The following RHOU variants were observed in gnomAD, a reference collection of about 807,000 sequenced individuals.
RHOU encodes ras homolog family member U.
In RHOU, 8 loss-of-function variants were observed where a neutral mutation model predicts 12.6. The observed-to-expected ratio is 0.64, with a 90% CI of 0.37 to 1.15. The LOEUF (loss-of-function observed/expected upper bound fraction) is 1.15, where lower values mean the gene tolerates loss of function less well. Among genes scored for constraint, RHOU ranks in the 50% most tolerant of loss-of-function variants. The pLI, the probability that RHOU is intolerant of heterozygous loss-of-function variation, is 0.01. For missense variants in RHOU, 258 were observed against 347.0 expected (o/e 0.74, Z 2.04); for synonymous variants, 161 against 147.4 (o/e 1.09, Z -0.67).
At chr1:228,675,166 CA>C in the RHOU span, among the ~76,000 whole-genome samples, 1 of 152,152 alleles carries the variant, frequency 6.6e-6, no homozygotes, top group African/African-American at 2.4e-5. Context: ...GAAATTGAAG[CA>C]GCACTGTTTC....
At chr1:228,739,036 G>A (rs183380818) in intron 2 of RHOU, among the ~76,000 whole-genome samples, 49 of 152,172 alleles carry the variant, frequency 3.2e-4, no homozygotes, top group African/African-American at 1.1e-3. Flanking sequence ...TGAGAGGATC[G>A]CTTGAACCCA....
the RHOU span, among the ~76,000 whole-genome samples, chr1:228,707,018 T>G: frequency 1.3e-5 from 2 of 149,208 alleles, no homozygotes; most frequent in East Asian, 3.9e-4. Flanking sequence ...GCCTCGTTTC[T>G]TATCCTATTA....
the RHOU span, among the ~76,000 whole-genome samples, chr1:228,680,095 AG>A: frequency 1.3e-5 from 2 of 152,194 alleles, no homozygotes; most frequent in Non-Finnish European, 2.9e-5. Context: ...ACCCTTGAAA[AG>A]AAGGTAATGT....
chr1:228,664,219 A>C, the RHOU span, among the ~76,000 whole-genome samples: 381 of 137,994 alleles, frequency 2.8e-3, 1 homozygote, highest in African/African-American at 0.011. Context: ...AGGTTTCTCC[A>C]TATTTCCCAG....
At chr1:228,716,747 C>CATATATATATGTATATAT in the RHOU span, among the ~76,000 whole-genome samples, 1 of 151,242 alleles carries the variant, frequency 6.6e-6, no homozygotes, top group Non-Finnish European at 1.5e-5. Context: ...TATACACACA[C>CATATATATATGTATATAT]ATGTGTGTGT....
the RHOU span, among the ~76,000 whole-genome samples, chr1:228,694,814 T>C: frequency 6.6e-6 from 1 of 152,196 alleles, no homozygotes; most frequent in Non-Finnish European, 1.5e-5. Flanking sequence ...TTTATATTCT[T>C]TTGGGTACAT....
the RHOU span, among the ~76,000 whole-genome samples, chr1:228,689,029 G>GA: frequency 6.6e-6 from 1 of 152,258 alleles, no homozygotes; most frequent in African/African-American, 2.4e-5. Flanking sequence ...GTGACTTTGG[G>GA]AAGAGGCACC....
chr1:228,667,024 C>A, the RHOU span, among the ~76,000 whole-genome samples: 1 of 152,138 alleles, frequency 6.6e-6, no homozygotes, highest in Non-Finnish European at 1.5e-5. Context: ...TTTTAACTAT[C>A]GAAAGCTCTC....
At chr1:228,731,275 G>A (rs1662490644), upstream of RHOU, among the ~76,000 whole-genome samples, 2 of 152,180 alleles carry the variant, frequency 1.3e-5, no homozygotes, top group Non-Finnish European at 2.9e-5. Context: ...AACATTTCTG[G>A]ACTTGGATGA....
At chr1:228,699,632 C>G in the RHOU span, among the ~76,000 whole-genome samples, 1 of 147,660 alleles carries the variant, frequency 6.8e-6, no homozygotes, top group Non-Finnish European at 1.5e-5. Flanking sequence ...AACCTTTGAT[C>G]AAGGCAATCC....
chr1:228,702,671 G>C, the RHOU span, among the ~76,000 whole-genome samples: 1 of 152,186 alleles, frequency 6.6e-6, no homozygotes, highest in Non-Finnish European at 1.5e-5. Flanking sequence ...AAACCTGTCT[G>C]ACCAGTAGAC....
At chr1:228,739,907 G>C (rs143327437) in intron 2 of RHOU, among the ~76,000 whole-genome samples, 2 of 152,372 alleles carry the variant, frequency 1.3e-5, no homozygotes, top group Non-Finnish European at 2.9e-5. Context: ...GGACCAGGTG[G>C]TGGGGGTATA....
chr1:228,707,107 T>C, the RHOU span, among the ~76,000 whole-genome samples: 2 of 88,344 alleles, frequency 2.3e-5, no homozygotes, highest in African/African-American at 1.0e-4. Flanking sequence ...TATACATACA[T>C]ATATATATAT....
chr1:228,740,950 A>G (rs1662707832), intron 2 of RHOU, among the ~76,000 whole-genome samples: 1 of 152,210 alleles, frequency 6.6e-6, no homozygotes, highest in Non-Finnish European at 1.5e-5. Context: ...GATCAGAGAC[A>G]GACTGGAGGC....
chr1:228,658,056 G>C, the RHOU span, among the ~76,000 whole-genome samples: 2 of 152,124 alleles, frequency 1.3e-5, no homozygotes, highest in Non-Finnish European at 2.9e-5. Context: ...GAGACTGGCA[G>C]ATTGTTTGAG....
chr1:228,709,457 A>G, the RHOU span, among the ~76,000 whole-genome samples: 4 of 150,852 alleles, frequency 2.7e-5, no homozygotes, highest in African/African-American at 9.7e-5. Flanking sequence ...ATAACAAACT[A>G]TCTCTCAGAC....
the RHOU span, among the ~76,000 whole-genome samples, chr1:228,710,894 T>C: frequency 6.6e-6 from 1 of 152,128 alleles, no homozygotes; most frequent in Admixed American, 6.5e-5. Context: ...GACGACATGA[T>C]TGTATATCTA....
At chr1:228,681,110 T>A in the RHOU span, among the ~76,000 whole-genome samples, 1 of 152,208 alleles carries the variant, frequency 6.6e-6, no homozygotes, top group South Asian at 2.1e-4. Flanking sequence ...CCTGTATATA[T>A]TTATTGGTGT....
chr1:228,736,675 G>A (rs575178188), intron 1 of RHOU, among the ~76,000 whole-genome samples: 28 of 152,266 alleles, frequency 1.8e-4, no homozygotes, highest in Admixed American at 1.6e-3. Context: ...ATCCCTTTAA[G>A]CTACTTAAAG....
Sources: gnomAD v4.1 joint callset for allele counts (sites outside exome capture counted in the v4.1 genomes callset) on GRCh38, gnomAD v4.1.1 for gene constraint, MANE v1.5 for transcripts, NCBI Gene and HGNC (gene_info 2026-07-23, HGNC 2026-07-21) for gene names.